The following SORCS1 variants were observed in gnomAD, a reference collection of about 807,000 sequenced individuals.
SORCS1 encodes the protein VPS10 domain-containing receptor SorCS1.
Under a neutral mutation model 146.1 loss-of-function variants are expected in SORCS1, and 60 were observed. The ratio of observed to expected loss-of-function variants is 0.41; its 90% CI spans 0.33 to 0.51. SORCS1 has a LOEUF of 0.51. Among genes scored for constraint, SORCS1 ranks in the 20% least tolerant of loss-of-function variants. The pLI is 0.21. For synonymous variants in SORCS1, 637 were observed against 584.0 expected (o/e 1.09, Z -1.31); for missense variants, 1,352 against 1,487.6 (o/e 0.91, Z 1.50).
intron 6 of SORCS1, among the ~76,000 whole-genome samples, chr10:106,726,917 T>C (rs1399908082): frequency 1.3e-5 from 2 of 151,904 alleles, no homozygotes; most frequent in Non-Finnish European, 2.9e-5. Context: ...AAACCCCGTC[T>C]CTACTAAAAA....
intron 2 of SORCS1, among the ~76,000 whole-genome samples, chr10:106,863,652 G>C (rs1406139747): frequency 1.4e-5 from 2 of 146,054 alleles, no homozygotes; most frequent in Non-Finnish European, 3.0e-5. Context: ...TCTGCATGTA[G>C]TGATTCCCAA....
At chr10:106,805,423 G>T (rs573916256) in intron 3 of SORCS1, among the ~76,000 whole-genome samples, 4 of 152,244 alleles carry the variant, frequency 2.6e-5, no homozygotes, top group South Asian at 2.1e-4. Context: ...ACAAAGTAAA[G>T]GTCAAGTAAA....
intron 10 of SORCS1, among the ~76,000 whole-genome samples, chr10:106,684,799 C>A (rs1336033999): frequency 6.6e-6 from 1 of 152,196 alleles, no homozygotes. Context: ...CACTTTTTAT[C>A]TCATCTCTGC....
intron 1 of SORCS1, among the ~76,000 whole-genome samples, chr10:107,020,928 T>C (rs1359599214): frequency 6.6e-6 from 1 of 152,208 alleles, no homozygotes; most frequent in African/African-American, 2.4e-5. Flanking sequence ...TTTATAGATA[T>C]AGAGCATTCA....
At position 107,031,482 on chromosome 10, in the gene SORCS1, C is replaced by T. The variant is rs183067938; in HGVS notation, c.559-74902G>A. On this transcript the variant is annotated intron_variant, in intron 1 of 25. Transcript: ENST00000263054. ...TCACTTGGCAAACCGCCTTGAATGACTATTTCCATTCTTATTGAAAAAGAC... is the reference window on the plus strand; with the variant it reads ...TCACTTGGCAAACCGCCTTGAATGATTATTTCCATTCTTATTGAAAAAGAC... Among the ~76,000 whole-genome samples, 449 of 122,174 alleles carry T rather than the reference C, an allele frequency of 3.7e-3. 2 individuals are homozygous for T. Among genetic ancestry groups the T allele is most frequent in the African/African-American group, 0.029 (426 of 14,840 alleles). 80.2% of individuals were successfully genotyped at this position (122,174 alleles called of 152,430 possible).
chr10:106,725,001 G>C (rs1009301505), intron 6 of SORCS1, among the ~76,000 whole-genome samples: 1 of 152,046 alleles, frequency 6.6e-6, no homozygotes, highest in African/African-American at 2.4e-5. Context: ...TCAGCCAGGT[G>C]TGGTGGTAGG....
At chr10:106,830,767 A>G (rs1303343941) in intron 2 of SORCS1, among the ~76,000 whole-genome samples, 1 of 151,904 alleles carries the variant, frequency 6.6e-6, no homozygotes, top group Admixed American at 6.6e-5. Context: ...CTGATGGCAC[A>G]TGCCTGTAGT....
At chr10:106,970,905 A>ATTTTTTTTTTTTTTTTTTTTT (rs34657393) in intron 1 of SORCS1, among the ~76,000 whole-genome samples, 1 of 96,488 alleles carries the variant, frequency 1.0e-5, no homozygotes, top group Non-Finnish European at 2.1e-5. Flanking sequence ...TGCACAGCTA[A>ATTTTTTTTTTTTTTTTTTTTT]TTTTTTTTTT....
chr10:106,717,856 A>G (rs1855488870), intron 6 of SORCS1, among the ~76,000 whole-genome samples: 2 of 152,192 alleles, frequency 1.3e-5, no homozygotes, highest in Admixed American at 1.3e-4. Flanking sequence ...GAAATATTTA[A>G]TCCTCATACC....
chr10:106,745,418 A>G (rs933912506), intron 5 of SORCS1, among the ~76,000 whole-genome samples: 7 of 151,994 alleles, frequency 4.6e-5, no homozygotes, highest in African/African-American at 1.7e-4. Flanking sequence ...CTAAAAAAAA[A>G]AAAAGAAAAG....
intron 3 of SORCS1, among the ~76,000 whole-genome samples, chr10:106,803,100 CAT>C (rs1473231392): frequency 6.6e-6 from 1 of 152,156 alleles, no homozygotes; most frequent in Non-Finnish European, 1.5e-5. Context: ...TAGTCTGTAA[CAT>C]ATGTTGACAC....
At chr10:106,591,045 TGAA>T (rs1169889319) in intron 24 of SORCS1, among the ~76,000 whole-genome samples, 1 of 152,120 alleles carries the variant, frequency 6.6e-6, no homozygotes, top group Non-Finnish European at 1.5e-5. Flanking sequence ...ACAGAAGATG[TGAA>T]GAAGGTTTGG....
Position 106,873,631 on chromosome 10 carries a change from C to T in SORCS1, c.627-43958G>A, listed in dbSNP as rs116219429. Among the ~76,000 whole-genome samples, 1,167 of 137,070 alleles carry T rather than the reference C, an allele frequency of 8.5e-3. 11 individuals are homozygous for T. The highest frequency in any genetic ancestry group is 0.027 in the African/African-American group (1,096 of 40,970). 89.9% of individuals were successfully genotyped at this position (137,070 alleles called of 152,430 possible). ...GTCACCTACTTTAATTTTCTACATACGTTCCTGCTTTTTAGATGCCTATTT... is the reference window on the plus strand; with the variant it reads ...GTCACCTACTTTAATTTTCTACATATGTTCCTGCTTTTTAGATGCCTATTT... On this transcript the variant is annotated intron_variant, in intron 2 of 25. Transcript: ENST00000263054.
At chr10:106,740,613 T>C (rs964016645) in intron 5 of SORCS1, among the ~76,000 whole-genome samples, 7 of 152,268 alleles carry the variant, frequency 4.6e-5, no homozygotes, top group African/African-American at 1.7e-4. Context: ...ACAAGGCATT[T>C]AGCTCCATCA....
chr10:107,111,641 A>C (rs1424439387), intron 1 of SORCS1, among the ~76,000 whole-genome samples: 2 of 152,182 alleles, frequency 1.3e-5, no homozygotes, highest in Admixed American at 1.3e-4. Flanking sequence ...GAGAGAGAGT[A>C]AGAGACAGAG....
At chr10:107,150,264 A>C (rs1793143962) in intron 1 of SORCS1, among the ~76,000 whole-genome samples, 1 of 152,226 alleles carries the variant, frequency 6.6e-6, no homozygotes, top group Non-Finnish European at 1.5e-5. Context: ...CCATGCTAAA[A>C]ATTCAGAACA....
chr10:107,001,755 C>A (rs1411413757), intron 1 of SORCS1, among the ~76,000 whole-genome samples: 1 of 152,192 alleles, frequency 6.6e-6, no homozygotes, highest in African/African-American at 2.4e-5. Flanking sequence ...TAAGCCACTG[C>A]ACCCAGCTGA....
chr10:106,585,280 G>T (rs1463129767), intron 24 of SORCS1, among the ~76,000 whole-genome samples: 1 of 151,746 alleles, frequency 6.6e-6, no homozygotes, highest in African/African-American at 2.4e-5. Flanking sequence ...CCATATATGT[G>T]ACAAGGTACC....
At chr10:107,091,422 G>T (rs2134311132) in intron 1 of SORCS1, among the ~76,000 whole-genome samples, 1 of 152,326 alleles carries the variant, frequency 6.6e-6, no homozygotes, top group Non-Finnish European at 1.5e-5. Context: ...AACAGGAGGA[G>T]GATGGCTGAG....
Sources: gnomAD v4.1 joint callset for allele counts (sites outside exome capture counted in the v4.1 genomes callset) on GRCh38, gnomAD v4.1.1 for gene constraint, MANE v1.5 for transcripts, NCBI Gene and HGNC (gene_info 2026-07-23, HGNC 2026-07-21) for gene names.